The following MTHFD2L variants were observed in gnomAD, a reference collection of about 807,000 sequenced individuals.
MTHFD2L encodes the protein methylenetetrahydrofolate dehydrogenase (NADP+ dependent) 2 like.
MTHFD2L carries 29 observed loss-of-function variants against 34.9 expected under a neutral mutation model. That is an observed-to-expected ratio of 0.83 (90% CI 0.62 to 1.13). The LOEUF (loss-of-function observed/expected upper bound fraction) is 1.13, where lower values mean the gene tolerates loss of function less well. MTHFD2L is among the 50% of genes most tolerant of loss of function. MTHFD2L has a pLI of 0.00. For synonymous variants in MTHFD2L, 167 were observed against 155.7 expected, an observed-to-expected ratio of 1.07 and a Z score of -0.54; for missense variants, 481 against 446.5, an observed-to-expected ratio of 1.08 and a Z score of -0.70.
At chr4:74,150,508 C>T (rs1001625520) in intron 1 of MTHFD2L, among the ~76,000 whole-genome samples, 2 of 152,220 alleles carry the variant, frequency 1.3e-5, no homozygotes, top group African/African-American at 4.8e-5. Flanking sequence ...CCCGCCTAGG[C>T]TTCCCAAAGT....
chr4:74,169,937 A>G (rs959832478), intron 1 of MTHFD2L, among the ~76,000 whole-genome samples: 6 of 152,228 alleles, frequency 3.9e-5, no homozygotes, highest in African/African-American at 1.4e-4. Context: ...CTCAAGAAAT[A>G]TTAGATAACC....
intron 7 of MTHFD2L, chr4:74,288,364 G>T (rs553911548): frequency 2.7e-4 from 41 of 152,264 alleles, no homozygotes; most frequent in African/African-American, 8.9e-4. Context: ...ACTAGAAGGT[G>T]CATGCATCAC....
At chr4:74,239,691 T>A (rs1024358297) in intron 6 of MTHFD2L, among the ~76,000 whole-genome samples, 1 of 152,182 alleles carries the variant, frequency 6.6e-6, no homozygotes, top group African/African-American at 2.4e-5. Context: ...TTTCTCTGAG[T>A]GTGCAGATTG....
chr4:74,299,933 A>T (rs1417461630), intron 7 of MTHFD2L, among the ~76,000 whole-genome samples: 2 of 152,064 alleles, frequency 1.3e-5, no homozygotes, highest in African/African-American at 4.8e-5. Context: ...GAAAAATTGT[A>T]GACAGGTGAC....
chr4:74,251,909 G>T (rs569975092), intron 6 of MTHFD2L, among the ~76,000 whole-genome samples: 28 of 152,334 alleles, frequency 1.8e-4, no homozygotes, highest in African/African-American at 6.7e-4. Context: ...GAATAAGGAT[G>T]TCACCTTAAT....
chr4:74,249,424 A>C (rs1480492860), intron 6 of MTHFD2L, among the ~76,000 whole-genome samples: 1 of 151,758 alleles, frequency 6.6e-6, no homozygotes, highest in Non-Finnish European at 1.5e-5. Context: ...ATGGGTCTTG[A>C]CTCTTTATCC....
chr4:74,139,841 A>G (rs967020557), intron 1 of MTHFD2L, among the ~76,000 whole-genome samples: 1 of 152,110 alleles, frequency 6.6e-6, no homozygotes, highest in Non-Finnish European at 1.5e-5. Context: ...CATTTCCTAG[A>G]TTAGTAAATG....
intron 6 of MTHFD2L, among the ~76,000 whole-genome samples, chr4:74,236,043 T>C (rs1323047073): frequency 2.0e-5 from 3 of 152,216 alleles, no homozygotes; most frequent in Non-Finnish European, 4.4e-5. Context: ...ACTTCTTTAA[T>C]AAATGTTCCC....
At chr4:74,227,833 T>A (rs1739410092) in intron 6 of MTHFD2L, among the ~76,000 whole-genome samples, 1 of 152,296 alleles carries the variant, frequency 6.6e-6, no homozygotes, top group African/African-American at 2.4e-5. Flanking sequence ...AAAAACTGAC[T>A]TTAGAGGTGT....
chr4:74,174,372 A>T (rs1728612280), intron 1 of MTHFD2L, 134 bp from the exon 2 acceptor site: 2 of 508,894 alleles, frequency 3.9e-6, no homozygotes, highest in African/African-American at 2.0e-5. Flanking sequence ...AGTAGGTGTC[A>T]CTATAATTGA....
At chr4:74,265,784 T>G (rs1745214739) in intron 6 of MTHFD2L, among the ~76,000 whole-genome samples, 1 of 152,194 alleles carries the variant, frequency 6.6e-6, no homozygotes, top group Admixed American at 6.5e-5. Context: ...CTTTGGTATA[T>G]CATATGATTT....
Position 74,301,689 on chromosome 4 carries a change from C to A in MTHFD2L, c.932-8C>A. ...AAAGAATATCTGTTTGTTTTTTTTCCTCATCAGCTGTTAAAAAGAAAGCTG... is the reference window on the plus strand; with the variant it reads ...AAAGAATATCTGTTTGTTTTTTTTCATCATCAGCTGTTAAAAAGAAAGCTG... On this transcript the variant is annotated splice_region_variant and splice_polypyrimidine_tract_variant and intron_variant, in intron 7 of 7. Transcript: ENST00000325278. The A allele has an allele frequency of 6.5e-7, 1 of 1,530,182 alleles. No homozygotes were observed. 94.8% of individuals were successfully genotyped at this position (1,530,182 alleles called of 1,614,324 possible).
intron 6 of MTHFD2L, among the ~76,000 whole-genome samples, chr4:74,239,207 C>A (rs1247077166): frequency 6.6e-6 from 1 of 152,088 alleles, no homozygotes; most frequent in Non-Finnish European, 1.5e-5. Flanking sequence ...CAGCTGGAAA[C>A]CGTCATTCTG....
intron 1 of MTHFD2L, among the ~76,000 whole-genome samples, chr4:74,135,016 G>C (rs1413721853): frequency 6.6e-6 from 1 of 152,150 alleles, no homozygotes; most frequent in African/African-American, 2.4e-5. Context: ...GTTCAAGAGA[G>C]AGCAGAGCAG....
chr4:74,157,843 C>G (rs1034390278), upstream of MTHFD2L: 9 of 594,752 alleles, frequency 1.5e-5, no homozygotes, highest in Middle Eastern at 2.1e-3. Flanking sequence ...GGAATGCCAG[C>G]TATATGTTGG....
At chr4:74,138,422 A>T (rs1454244653) in intron 1 of MTHFD2L, among the ~76,000 whole-genome samples, 3 of 152,142 alleles carry the variant, frequency 2.0e-5, no homozygotes, top group Admixed American at 6.6e-5. Context: ...GGCCTCACGG[A>T]TTCCAAGGAA....
intron 7 of MTHFD2L, among the ~76,000 whole-genome samples, chr4:74,292,939 A>G (rs1245044047): frequency 6.6e-6 from 1 of 152,094 alleles, no homozygotes; most frequent in Non-Finnish European, 1.5e-5. Flanking sequence ...TCTCCAGGTG[A>G]CTGACATGCT....
At chr4:74,205,678 A>G (rs1407409288) in intron 5 of MTHFD2L, among the ~76,000 whole-genome samples, 1 of 152,144 alleles carries the variant, frequency 6.6e-6, no homozygotes, top group African/African-American at 2.4e-5. Flanking sequence ...CACTCAATAC[A>G]ACAAGGAAGC....
chr4:74,239,048 T>C (rs961726395), intron 6 of MTHFD2L, among the ~76,000 whole-genome samples: 1 of 152,200 alleles, frequency 6.6e-6, no homozygotes, highest in Non-Finnish European at 1.5e-5. Context: ...ATGTTCATTG[T>C]GGCACTATTC....
Sources: gnomAD v4.1 joint callset for allele counts (sites outside exome capture counted in the v4.1 genomes callset) on GRCh38, gnomAD v4.1.1 for gene constraint, MANE v1.5 for transcripts, NCBI Gene and HGNC (gene_info 2026-07-23, HGNC 2026-07-21) for gene names.